The following KLRG1 variants were observed in gnomAD, a reference collection of about 807,000 sequenced individuals.
KLRG1 encodes killer cell lectin-like receptor subfamily G member 1.
In KLRG1, 16 loss-of-function variants were observed where a neutral mutation model predicts 21.8. That is an observed-to-expected ratio of 0.73 (90% CI 0.50 to 1.11). The LOEUF (loss-of-function observed/expected upper bound fraction) is 1.11, where lower values mean the gene tolerates loss of function less well. KLRG1 is among the 50% of genes most tolerant of loss of function. The probability of loss-of-function intolerance (pLI) is 0.00; values close to 1 mark genes in which losing one functional copy is unlikely to be tolerated. For missense variants in KLRG1, 173 were observed against 218.3 expected (o/e 0.79, Z 1.31); for synonymous variants, 69 against 75.9 (o/e 0.91, Z 0.47).
chr12:9,209,572 T>C, the KLRG1 span, among the ~76,000 whole-genome samples: 96,356 of 151,730 alleles, frequency 0.64, 30,975 homozygotes, highest in Admixed American at 0.71. Flanking sequence ...GCAATGGTAG[T>C]GCTCTTTTAA....
At chr12:8,978,265 G>T (rs12827055) in intron 1 of KLRG1, among the ~76,000 whole-genome samples, 52,714 of 152,050 alleles carry the variant, frequency 0.35, 10,580 homozygotes, top group South Asian at 0.44. Flanking sequence ...CTCTTGTAAG[G>T]CAGGTCTAGT....
chr12:8,968,438 T>A (rs141415767), intron 1 of KLRG1, among the ~76,000 whole-genome samples: 1,537 of 152,292 alleles, frequency 0.01, 24 homozygotes, highest in African/African-American at 0.034. Context: ...CAGGAGAACA[T>A]GTGTTTGCAC....
chr12:9,083,386 T>TAA, the KLRG1 span, among the ~76,000 whole-genome samples: 2,494 of 141,488 alleles, frequency 0.018, 72 homozygotes, highest in African/African-American at 0.062. Flanking sequence ...ACTTAAAGTA[T>TAA]AAAAAAAAAA....
At chr12:9,103,417 AAC>A in the KLRG1 span, among the ~76,000 whole-genome samples, 342 of 151,326 alleles carry the variant, frequency 2.3e-3, 1 homozygote, top group Admixed American at 4.3e-3. Flanking sequence ...AGTTATTATA[AAC>A]ACACACACAC....
chr12:9,029,915 C>G, the KLRG1 span, among the ~76,000 whole-genome samples: 1 of 151,936 alleles, frequency 6.6e-6, no homozygotes, highest in East Asian at 1.9e-4. Flanking sequence ...GGCCACCACA[C>G]CCTAATTTTT....
intron 1 of KLRG1, among the ~76,000 whole-genome samples, chr12:8,969,168 G>A (rs186809925): frequency 4.2e-4 from 64 of 152,308 alleles, no homozygotes; most frequent in East Asian, 1.9e-3. Flanking sequence ...AGGCAAAACC[G>A]TGTCTGGCTC....
chr12:9,170,427 G>A, the KLRG1 span, among the ~76,000 whole-genome samples: 1 of 152,296 alleles, frequency 6.6e-6, no homozygotes, highest in Middle Eastern at 3.4e-3. This position sits in a 1 kb window ranked among gnomAD's most constrained non-coding sequence, Gnocchi z 4.6. Context: ...CCCTGGAAAG[G>A]CAGGAAATCT....
the KLRG1 span, among the ~76,000 whole-genome samples, chr12:9,137,773 T>C: frequency 2.0e-5 from 3 of 152,100 alleles, no homozygotes; most frequent in Non-Finnish European, 4.4e-5. Context: ...TAATTCTTTT[T>C]TGTGCTATTG....
chr12:9,020,683 G>T, the KLRG1 span, among the ~76,000 whole-genome samples: 1 of 152,200 alleles, frequency 6.6e-6, no homozygotes, highest in East Asian at 1.9e-4. Context: ...CGTTTAAGTT[G>T]TTTCCAGCTT....
chr12:9,176,302 T>C, the KLRG1 span, among the ~76,000 whole-genome samples: 2 of 151,988 alleles, frequency 1.3e-5, no homozygotes, highest in East Asian at 3.9e-4. Context: ...TATTAGAAGG[T>C]AGGGTGTGGG....
intron 3 of KLRG1, among the ~76,000 whole-genome samples, chr12:9,003,928 C>T (rs1947384595): frequency 6.6e-6 from 1 of 151,772 alleles, no homozygotes; most frequent in African/African-American, 2.4e-5. Context: ...TGTTCAATTC[C>T]CATCTATGAG....
chr12:9,094,074 T>C, the KLRG1 span, among the ~76,000 whole-genome samples: 81 of 151,470 alleles, frequency 5.3e-4, no homozygotes, highest in African/African-American at 1.9e-3. Flanking sequence ...AAGTGGAGAG[T>C]GTTATGACAC....
intron 1 of KLRG1, chr12:8,990,244 G>A (rs1048299961): frequency 1.3e-5 from 2 of 151,472 alleles, no homozygotes; most frequent in African/African-American, 4.9e-5. Context: ...GGAAGAAAAA[G>A]TATCAAGAAA....
the KLRG1 span, chr12:9,200,781 G>A: frequency 8.7e-7 from 1 of 1,145,460 alleles, no homozygotes. Context: ...GAAGCAGTAA[G>A]TCTGACTCTA....
At chr12:8,986,146 C>T (rs1026596275), upstream of KLRG1, among the ~76,000 whole-genome samples, 2 of 152,170 alleles carry the variant, frequency 1.3e-5, no homozygotes, top group African/African-American at 4.8e-5. Flanking sequence ...ACAAACCTTA[C>T]TGGTTAGGTG....
the KLRG1 span, among the ~76,000 whole-genome samples, chr12:9,203,281 C>T: frequency 1.3e-5 from 2 of 150,720 alleles, no homozygotes; most frequent in African/African-American, 2.4e-5. Context: ...ATGCTTTGTT[C>T]CTTAATAGTT....
chr12:9,109,530 C>A, the KLRG1 span: 1 of 728,332 alleles, frequency 1.4e-6, no homozygotes. Flanking sequence ...CTCTGCTCTC[C>A]AATCTATTCT....
At chr12:9,025,929 C>G in the KLRG1 span, among the ~76,000 whole-genome samples, 1 of 152,158 alleles carries the variant, frequency 6.6e-6, no homozygotes, top group East Asian at 1.9e-4. Flanking sequence ...GGTCTATGGA[C>G]AGCAGAATTT....
chr12:9,104,469 C>T, the KLRG1 span: 1 of 1,492,198 alleles, frequency 6.7e-7, no homozygotes, highest in Non-Finnish European at 9.0e-7. Context: ...ATTCATTTAT[C>T]ACATTTTTTA....
Sources: gnomAD v4.1 joint callset for allele counts (sites outside exome capture counted in the v4.1 genomes callset) on GRCh38, gnomAD v4.1.1 for gene constraint, Gnocchi (gnomAD v3.1) non-coding constraint, MANE v1.5 for transcripts, NCBI Gene and HGNC (gene_info 2026-07-23, HGNC 2026-07-21) for gene names.